Variants in JPH4 observed in about 807,000 individuals in gnomAD.
JPH4 encodes the protein junctophilin-4.
JPH4 carries 18 observed loss-of-function variants against 57.6 expected under a neutral mutation model. That is an observed-to-expected ratio of 0.31 (90% CI 0.22 to 0.46). The LOEUF is 0.46. Ranked by LOEUF, JPH4 falls within the 20% of genes least tolerant of loss-of-function variation. JPH4 has a pLI of 1.00. For synonymous variants in JPH4, 425 were observed against 406.6 expected (o/e 1.05, Z -0.54); for missense variants, 727 against 911.1 (o/e 0.80, Z 2.60).
rs1300408931 is a variant in JPH4, at chr14:23,569,535, T to A, written c.*99A>T. On this transcript the variant is annotated 3_prime_UTR_variant, in exon 6 of 6. Transcript: ENST00000356300. The surrounding 1 kb of genome is among the most constrained non-coding windows in gnomAD (Gnocchi z 4.8). ...AAGAAAGGAAGAAGAGAAAGAAAGA[T>A]AGGAGAAAACACAGCCAGGAAGAGG... The A allele has an allele frequency of 6.5e-6, 5 of 772,738 alleles. No homozygotes were observed. The Admixed American group carries it at 1.1e-4, about 16-fold the overall frequency. The allele number at this position is 772,738 out of a possible 1,614,324, so 47.9% of individuals were successfully genotyped here. A position where few individuals can be genotyped will look rare whatever the true frequency, so the allele number is the denominator to read the frequency against.
chr14:23,570,078 C>G (rs1889067695), intron 5 of JPH4, among the ~76,000 whole-genome samples: 1 of 152,144 alleles, frequency 6.6e-6, no homozygotes, highest in South Asian at 2.1e-4. Flanking sequence ...TGCTAGGAAA[C>G]AGAAGGCCTA....
Position 23,576,056 on chromosome 14 carries a change from C to G in JPH4, c.780G>C (p.Ser260=). The change falls in exon 3 of 6, where the codon TCG becomes TCC. Residue 260 remains serine, a synonymous_variant. Transcript: ENST00000356300. The surrounding 1 kb of genome is among the most constrained non-coding windows in gnomAD (Gnocchi z 8.0). ...SEVGSTGPPG[S]EASGPPAAAP... ...CTGCGGCCGGGGGCCCGCTGGCCTC[C>G]GAGCCGGGCGGTCCGGTGCTGCCCA... 1.5e-6 allele frequency: 2 copies of G among 1,317,382 alleles called. No homozygotes were observed. Among genetic ancestry groups the G allele is most frequent in the Non-Finnish European group, 1.9e-6 (2 of 1,038,856 alleles). The allele number at this position is 1,317,382 out of a possible 1,614,324, so 81.6% of individuals were successfully genotyped here. A position where few individuals can be genotyped will look rare whatever the true frequency, so the allele number is the denominator to read the frequency against.
Position 23,572,813 on chromosome 14 carries a change from C to T in JPH4, c.1152-893G>A, listed in dbSNP as rs1419255525. ...ACTTCTGGCTAAACCCTTAGTCTCC[C>T]TTCCACAACCCCCTACCACCTTCCC... On this transcript the variant is annotated intron_variant, in intron 3 of 5. Coordinates refer to ENST00000356300, the MANE Select transcript of JPH4 (RefSeq NM_001146028.2). 3 of 698,520 alleles carry T rather than the reference C, an allele frequency of 4.3e-6. No homozygotes were observed. The Admixed American group carries it at 6.1e-5, about 14-fold the overall frequency. 43.3% of individuals were successfully genotyped at this position (698,520 alleles called of 1,614,324 possible).
chr14:23,576,284 T>G lies in JPH4; in HGVS notation c.552A>C (p.Gly184=), dbSNP rs1889271037. 7.9e-6 allele frequency: 10 copies of G among 1,264,916 alleles called. No individual in the cohort carries two copies. Among genetic ancestry groups the G allele is most frequent in the Admixed American group, 8.4e-5 (2 of 23,752 alleles). 78.4% of individuals were successfully genotyped at this position (1,264,916 alleles called of 1,614,324 possible). The change falls in exon 3 of 6, where the codon GGA becomes GGC. Residue 184 remains glycine, a synonymous_variant. Coordinates refer to ENST00000356300, the MANE Select transcript of JPH4 (RefSeq NM_001146028.2). This position sits in a 1 kb window ranked among gnomAD's most constrained non-coding sequence, Gnocchi z 8.0. The part of the protein sequence containing the change: ...PPPLPLPGDE[G]GSPASGSRGG... ...CCCGGGAGCCCGAGGCGGGGCTGCC[T>G]CCCTCGTCGCCCGGCAAGGGCAGGG...
At position 23,576,987 on chromosome 14, in the gene JPH4, G is replaced by T. The variant is rs1213301522; in HGVS notation, c.379+88C>A. On this transcript the variant is annotated intron_variant, in intron 2 of 5. Transcript: ENST00000356300. The surrounding 1 kb of genome is among the most constrained non-coding windows in gnomAD (Gnocchi z 8.0). ...GGTGGCGGGGGAAAGAAGGATGGGC[G>T]CAAGGGCGCAAATGGCGGGCGAAGG... 17 of 1,393,292 alleles carry T rather than the reference G, an allele frequency of 1.2e-5. No homozygotes were observed. Among genetic ancestry groups the T allele is most frequent in the Middle Eastern group, 3.8e-4 (2 of 5,290 alleles). 86.3% of individuals were successfully genotyped at this position (1,393,292 alleles called of 1,614,324 possible). A position where few individuals can be genotyped will look rare whatever the true frequency, so the allele number is the denominator to read the frequency against.
In JPH4 at chr14:23,575,618, C is replaced by T. The variant is rs1271796982; in HGVS notation, c.1151+67G>A. The T allele has an allele frequency of 6.5e-6, 10 of 1,542,704 alleles. No individual in the cohort carries two copies. The highest frequency in any genetic ancestry group is 8.7e-6 in the Non-Finnish European group (10 of 1,147,412). ...GCCTTGGGCCTCCCTTAGGCACACC[C>T]GCCTTCCTGGTCCCCAGCGCACCCC... On this transcript the variant is annotated intron_variant, in intron 3 of 5. Coordinates refer to ENST00000356300, the MANE Select transcript of JPH4 (RefSeq NM_001146028.2). This position sits in a 1 kb window ranked among gnomAD's most constrained non-coding sequence, Gnocchi z 6.9.
At position 23,575,069 on chromosome 14, in the gene JPH4, ACGTTT is replaced by A. The variant is rs1889240343; in HGVS notation, c.1151+611_1151+615del. ...AGGAAATGTAATTTGATTTACAGAA[ACGTTT>A]CATTTACAGGGAAGCCTCCTCCCCT... is the stretch of plus-strand genomic sequence containing the variant. On this transcript the variant is annotated intron_variant, in intron 3 of 5. Transcript: ENST00000356300. The surrounding 1 kb of genome is among the most constrained non-coding windows in gnomAD (Gnocchi z 6.9). The A allele has an allele frequency of 6.5e-6, 1 of 153,380 alleles. No homozygotes were observed. Among genetic ancestry groups the A allele is most frequent in the African/African-American group, 2.4e-5 (1 of 41,480 alleles). The allele number at this position is 153,380 out of a possible 1,614,324, so 9.5% of individuals were successfully genotyped here. A position where few individuals can be genotyped will look rare whatever the true frequency, so the allele number is the denominator to read the frequency against.
At position 23,571,232 on chromosome 14, in the gene JPH4, C is replaced by G. The variant is rs754920443; in HGVS notation, c.1499G>C (p.Gly500Ala). 8.7e-6 allele frequency: 14 copies of G among 1,611,968 alleles called. No individual in the cohort carries two copies. The highest frequency in any genetic ancestry group is 6.6e-5 in the South Asian group (6 of 90,796). ...TTCCTCTGCCTGTGCGCCTGCCCCC[C>G]CCCACTCCTCAGGCCAAGCTTTGGG... ...SSPKAWPEEW[G>A]GAGAQAEELA... The change falls in exon 5 of 6, where the codon GGG (glycine) becomes GCG (alanine). Residue 500 changes from glycine (G) to alanine (A), a missense_variant. Gly to Ala is a moderately conservative substitution (Grantham distance 60, BLOSUM62 0). Coordinates refer to ENST00000356300, the MANE Select transcript of JPH4 (RefSeq NM_001146028.2). This position sits in a 1 kb window ranked among gnomAD's most constrained non-coding sequence, Gnocchi z 4.6.
rs576751011 is a variant in JPH4, at chr14:23,568,822, G to A, written c.*812C>T. On this transcript the variant is annotated 3_prime_UTR_variant, in exon 6 of 6. Coordinates refer to ENST00000356300, the MANE Select transcript of JPH4 (RefSeq NM_001146028.2). ...TAAACTATTATGGGGGAGACAGAAGGGTGGGAGAAGTCAGTGGCAAAGTCT... is the reference window on the plus strand; with the variant it reads ...TAAACTATTATGGGGGAGACAGAAGAGTGGGAGAAGTCAGTGGCAAAGTCT... 1.5e-4 allele frequency: 147 copies of A among 985,822 alleles called. No homozygotes were observed. In the Middle Eastern group the frequency reaches 2.6e-3, roughly 18 times the overall value. 61.1% of individuals were successfully genotyped at this position (985,822 alleles called of 1,614,324 possible).
rs1185344925 is a variant in JPH4, at chr14:23,568,736, G to A, written c.*898C>T. On this transcript the variant is annotated 3_prime_UTR_variant, in exon 6 of 6. Coordinates refer to ENST00000356300, the MANE Select transcript of JPH4 (RefSeq NM_001146028.2). ...GCCTCTAACCCTCTGCAGTAGAAAT[G>A]TCTTCTTCAGGCCCCTTAGGAATTT... is the stretch of plus-strand genomic sequence containing the variant. 9 of 985,788 alleles carry A rather than the reference G, an allele frequency of 9.1e-6. No homozygotes were observed. Among genetic ancestry groups the A allele is most frequent in the African/African-American group, 1.7e-5 (1 of 57,232 alleles). 61.1% of individuals were successfully genotyped at this position (985,788 alleles called of 1,614,324 possible).
At chr14:23,573,121 A>T (rs1331226804) in intron 3 of JPH4, 1 of 610,660 alleles carries the variant, frequency 1.6e-6, no homozygotes, top group African/African-American at 1.8e-5. Flanking sequence ...TCAGGAAGGC[A>T]GTCTGGTATG....
rs1889331057 is a variant in JPH4 at position 23,578,409 on chromosome 14, G to C, written c.-401C>G. 6.6e-6 allele frequency: 1 copy of C among 151,526 alleles called. No individual in the cohort carries two copies. The highest frequency in any genetic ancestry group is 1.5e-5 in the Non-Finnish European group (1 of 67,896). The allele number at this position is 151,526 out of a possible 1,614,324, so 9.4% of individuals were successfully genotyped here. ...GGTGGGGGAAGATGAGAATAGTGTA[G>C]GGGAAAAAATCTGCCTTGGATGGAG... is the stretch of plus-strand genomic sequence containing the variant. On this transcript the variant is annotated 5_prime_UTR_variant, in exon 1 of 6. Transcript: ENST00000356300.
chr14:23,573,937 A>AAC (rs35127620), intron 3 of JPH4, among the ~76,000 whole-genome samples: 28,206 of 143,038 alleles, frequency 0.2, 2,640 homozygotes, highest in South Asian at 0.24. Context: ...CTCTCTCTGT[A>AAC]ACACACACAC....
chr14:23,571,149 C>T lies in JPH4; in HGVS notation c.1582G>A (p.Gly528Ser), dbSNP rs370087602. ...CTGCAGCCTCCGAGGAGTGGGGAACCGTCTCTGGGCCCTGGCCCTTGCATC... is the reference window on the plus strand; with the variant it reads ...CTGCAGCCTCCGAGGAGTGGGGAACTGTCTCTGGGCCCTGGCCCTTGCATC... Reference protein sequence around the residue: ...AGMQGPGPRDGSPLLGGCSDS... With the variant: ...AGMQGPGPRDSSPLLGGCSDS... The change falls in exon 5 of 6, where the codon GGT becomes AGT. Residue 528 changes from glycine (G) to serine (S), a missense_variant. Gly to Ser is a moderately conservative substitution (Grantham distance 56, BLOSUM62 0). This residue lies in a region of JPH4 where 293 missense variants were observed against 279.8 expected (regional missense o/e 1.05). Transcript: ENST00000356300. This position sits in a 1 kb window ranked among gnomAD's most constrained non-coding sequence, Gnocchi z 4.6. 3.1e-5 allele frequency: 50 copies of T among 1,613,996 alleles called. No homozygotes were observed. The highest frequency in any genetic ancestry group is 5.3e-5 in the African/African-American group (4 of 74,920).
In JPH4 at chr14:23,571,213, T is replaced by C; in HGVS notation, c.1518A>G (p.Ala506=). Reference sequence around the variant, plus strand: ...CAGCCTCATAGCCAGCTAGTTCCTCTGCCTGTGCGCCTGCCCCCCCCCACT... The same window carrying C: ...CAGCCTCATAGCCAGCTAGTTCCTCCGCCTGTGCGCCTGCCCCCCCCCACT... ...PEEWGGAGAQ[A]EELAGYEAED... Residue 506 remains alanine, a synonymous_variant, in exon 5 of 6, where the codon GCA becomes GCG. Coordinates refer to ENST00000356300, the MANE Select transcript of JPH4 (RefSeq NM_001146028.2). This position sits in a 1 kb window ranked among gnomAD's most constrained non-coding sequence, Gnocchi z 4.6. 6.2e-7 allele frequency: 1 copy of C among 1,613,618 alleles called. No homozygotes were observed.
At position 23,575,798 on chromosome 14, in the gene JPH4, G is replaced by C; in HGVS notation, c.1038C>G (p.Leu346=). The C allele has an allele frequency of 6.9e-6, 11 of 1,589,110 alleles. No homozygotes were observed. The highest frequency in any genetic ancestry group is 9.4e-6 in the Non-Finnish European group (11 of 1,169,840). ...RLVHGGRVRS[L]LPLALRRGKV... The stretch of plus-strand genomic sequence containing the variant: ...TGCCCCGCCGAAGGGCCAGAGGCAG[G>C]AGACTGCGGACGCGCCCGCCGTGCA... Residue 346 remains leucine, a synonymous_variant, in exon 3 of 6, where the codon CTC becomes CTG. Transcript: ENST00000356300. The surrounding 1 kb of genome is among the most constrained non-coding windows in gnomAD (Gnocchi z 6.9).
intron 3 of JPH4, among the ~76,000 whole-genome samples, chr14:23,573,205 A>C (rs28373939): frequency 0.021 from 3,232 of 152,182 alleles, 49 homozygotes; most frequent in South Asian, 0.095. Context: ...GTTCTTTGGG[A>C]GCCGTGATTA....
Position 23,575,434 on chromosome 14 carries a change from A to T in JPH4, c.1151+251T>A, listed in dbSNP as rs1889247378. 2 of 572,740 alleles carry T rather than the reference A, an allele frequency of 3.5e-6. No homozygotes were observed. The highest frequency in any genetic ancestry group is 3.1e-5 in the Admixed American group (1 of 32,724). The allele number at this position is 572,740 out of a possible 1,614,324, so 35.5% of individuals were successfully genotyped here. A position where few individuals can be genotyped will look rare whatever the true frequency, so the allele number is the denominator to read the frequency against. ...ATAGACATGCATCTCCACACAAAAG[A>T]CACCGAGACACATTTACAGTCTTAC... On this transcript the variant is annotated intron_variant, in intron 3 of 5. Transcript: ENST00000356300. The surrounding 1 kb of genome is among the most constrained non-coding windows in gnomAD (Gnocchi z 6.9).
Position 23,572,856 on chromosome 14 carries a change from C to A in JPH4, c.1152-936G>T, listed in dbSNP as rs80046416. 725 of 702,562 alleles carry A rather than the reference C, an allele frequency of 1.0e-3. 12 individuals are homozygous for A. In the East Asian group the frequency reaches 0.018, roughly 17 times the overall value. 43.5% of individuals were successfully genotyped at this position (702,562 alleles called of 1,614,324 possible). A position where few individuals can be genotyped will look rare whatever the true frequency, so the allele number is the denominator to read the frequency against. On this transcript the variant is annotated intron_variant, in intron 3 of 5. Transcript: ENST00000356300. ...ACCTTCCCTGCTCCTTAGGTGCAGG[C>A]AGCCTGGGAGTCTGATCAGTCCTTC...
Sources: gnomAD v4.1 joint callset for allele counts (sites outside exome capture counted in the v4.1 genomes callset) on GRCh38, gnomAD v4.1.1 for gene constraint, gnomAD v4.1.1 regional missense constraint, Gnocchi (gnomAD v3.1) non-coding constraint, MANE v1.5 for transcripts, NCBI Gene and HGNC (gene_info 2026-07-23, HGNC 2026-07-21) for gene names.